DNAH11: variants seen among roughly 807,000 people sequenced by gnomAD.
The protein encoded by DNAH11 is dynein axonemal heavy chain 11, also known as axonemal beta dynein heavy chain 11.
In DNAH11, 442 loss-of-function variants were observed where a neutral mutation model predicts 526.0. The observed-to-expected ratio is 0.84, with a 90% confidence interval of 0.78 to 0.91. DNAH11 has a LOEUF of 0.91. Ranked by LOEUF, DNAH11 falls within the 40% of genes least tolerant of loss-of-function variation. The pLI is 0.00. For missense variants in DNAH11, 6,989 were observed against 5,448.7 expected, an observed-to-expected ratio of 1.28 and a Z score of -8.90; for synonymous variants, 2,461 against 1,935.9, an observed-to-expected ratio of 1.27 and a Z score of -7.12.
In DNAH11 at chr7:21,735,718, A is replaced by G; in HGVS notation, c.7519A>G (p.Met2507Val). ...GTTGCTTGAGAAAGGAAAACCTCTA[A>G]TGCTAGTAGGAAATGCAGGAGTGGG... ...ELLLEKGKPL[M>V]LVGNAGVGKT... Residue 2507 changes from methionine (M) to valine (V), a missense_variant, in exon 46 of 82, where the codon ATG (methionine) becomes GTG (valine). Coordinates refer to ENST00000409508, the MANE Select transcript of DNAH11 (RefSeq NM_001277115.2). The G allele has an allele frequency of 1.9e-6, 3 of 1,613,940 alleles. No homozygotes were observed. The highest frequency in any genetic ancestry group is 2.5e-6 in the Non-Finnish European group (3 of 1,179,868).
chr7:21,826,818 A>T (rs1171134660), intron 65 of DNAH11, among the ~76,000 whole-genome samples: 1 of 152,122 alleles, frequency 6.6e-6, no homozygotes, highest in Non-Finnish European at 1.5e-5. Context: ...TCCCTCAGAA[A>T]GTTTTTGGCT....
In DNAH11 at chr7:21,801,238, C is replaced by G. The variant is rs368988134; in HGVS notation, c.10128C>G (p.Ile3376Met). The G allele has an allele frequency of 3.7e-6, 6 of 1,613,892 alleles. No individual in the cohort carries two copies. The East Asian group carries it at 1.3e-4, about 36-fold the overall frequency. ...QEEVNQTNKT[I>M]KLANRLVKEL... Reference sequence around the variant, plus strand: ...AGGTGAACCAAACCAACAAAACCATCAAATTAGCTAACAGACTTGTCAAGG... The same window carrying G: ...AGGTGAACCAAACCAACAAAACCATGAAATTAGCTAACAGACTTGTCAAGG... Residue 3376 changes from isoleucine to methionine, a missense_variant, in exon 62 of 82, where the codon ATC becomes ATG. Coordinates refer to ENST00000409508, the MANE Select transcript of DNAH11 (RefSeq NM_001277115.2).
At chr7:21,644,811 A>G (rs745818870) in intron 28 of DNAH11, among the ~76,000 whole-genome samples, 2 of 152,220 alleles carry the variant, frequency 1.3e-5, no homozygotes, top group Non-Finnish European at 2.9e-5. Context: ...ATATAAAGGC[A>G]GCCTGATTCA....
intron 45 of DNAH11, among the ~76,000 whole-genome samples, chr7:21,733,103 A>G (rs561777291): frequency 4.6e-5 from 7 of 152,186 alleles, no homozygotes; most frequent in Non-Finnish European, 8.8e-5. Flanking sequence ...AGAAGCAGGG[A>G]AGGCCAGGTG....
At position 21,773,802 on chromosome 7, in the gene DNAH11, C is replaced by A. The variant is rs1159816817; in HGVS notation, c.9139C>A (p.His3047Asn). The A allele has an allele frequency of 2.5e-6, 4 of 1,605,936 alleles. No individual in the cohort carries two copies. The highest frequency in any genetic ancestry group is 3.4e-5 in the Admixed American group (2 of 58,908). Reference sequence around the variant, plus strand: ...AGACTCTATTAGCCTTTTCATGGCACATGTTCACACCACTGTAAATGAAAT... The same window carrying A: ...AGACTCTATTAGCCTTTTCATGGCAAATGTTCACACCACTGTAAATGAAAT... ...HKDSISLFMA[H>N]VHTTVNEMST... Residue 3047 changes from histidine (H) to asparagine (N), a missense_variant, in exon 56 of 82, where the codon CAT (histidine) becomes AAT (asparagine). Coordinates refer to ENST00000409508, the MANE Select transcript of DNAH11 (RefSeq NM_001277115.2).
chr7:21,568,082 A>G (rs890285447), intron 6 of DNAH11, among the ~76,000 whole-genome samples: 42 of 152,252 alleles, frequency 2.8e-4, no homozygotes, highest in African/African-American at 1.0e-3. Flanking sequence ...ATAACAGTCC[A>G]TAAAAACACA....
chr7:21,619,156 ACACAG>A lies in DNAH11; in HGVS notation c.4312_4316del (p.His1438SerfsTer4), dbSNP rs1785921349. On this transcript the variant is annotated frameshift_variant, in exon 24 of 82. Coordinates refer to ENST00000409508, the MANE Select transcript of DNAH11 (RefSeq NM_001277115.2). LOFTEE classifies it high-confidence loss of function. ...TGGCAGATTTGTTAGCACTGCGGTT[ACACAG>A]AGTGGAAGATGATGTCCGAAGGATT... The A allele has an allele frequency of 6.2e-7, 1 of 1,613,526 alleles. No individual in the cohort carries two copies. Among genetic ancestry groups the A allele is most frequent in the Non-Finnish European group, 8.5e-7 (1 of 1,179,708 alleles).
rs551994503 is a variant in DNAH11, at chr7:21,891,898, T to C, written c.12508-527T>C. Among the ~76,000 whole-genome samples the C allele has an allele frequency of 1.3e-5, 2 of 152,286 alleles. 1 individual carries two copies. The highest frequency in any genetic ancestry group is 4.1e-4 in the South Asian group (2 of 4,824). ...ATGCACATATCATTATTTATAATTATAAAATTCAGGTATATAAATTCACAT... is the reference window on the plus strand; with the variant it reads ...ATGCACATATCATTATTTATAATTACAAAATTCAGGTATATAAATTCACAT... On this transcript the variant is annotated intron_variant, in intron 76 of 81. Transcript: ENST00000409508.
At chr7:21,878,349 T>C (rs930818321) in intron 74 of DNAH11, among the ~76,000 whole-genome samples, 8 of 152,362 alleles carry the variant, frequency 5.3e-5, no homozygotes, top group African/African-American at 1.7e-4. Flanking sequence ...TTAGTTATTA[T>C]AGTACCTTGG....
At chr7:21,818,518 T>G (rs1789915008) in intron 65 of DNAH11, among the ~76,000 whole-genome samples, 179 bp downstream of exon 65, 1 of 152,154 alleles carries the variant, frequency 6.6e-6, no homozygotes, top group Admixed American at 6.6e-5. Context: ...TTCAGACTAT[T>G]TATTTGATGG....
intron 40 of DNAH11, among the ~76,000 whole-genome samples, chr7:21,708,915 A>G (rs1262668703): frequency 6.6e-6 from 1 of 152,206 alleles, no homozygotes; most frequent in Non-Finnish European, 1.5e-5. Context: ...AGTCAGAAAG[A>G]CTATTATGAA....
chr7:21,826,699 C>T (rs747136835), intron 65 of DNAH11, among the ~76,000 whole-genome samples: 1 of 152,008 alleles, frequency 6.6e-6, no homozygotes, highest in Non-Finnish European at 1.5e-5. Flanking sequence ...AAGAGAAAGC[C>T]AGGAAAACAA....
At position 21,683,831 on chromosome 7, in the gene DNAH11, A is replaced by T; in HGVS notation, c.5508A>T (p.Arg1836=). The change falls in exon 32 of 82, where the codon CGA becomes CGT. Residue 1836 remains arginine, a synonymous_variant. Transcript: ENST00000409508. ...CATGGCTGTCTCAACTTCGTCACCG[A>T]TGGGAGGATACCCAGAAACACTGCT... ...AFTWLSQLRH[R]WEDTQKHCFV... is the part of the protein sequence containing the mutation. 1 of 1,613,160 alleles carries T rather than the reference A, an allele frequency of 6.2e-7. No homozygotes were observed. Among genetic ancestry groups the T allele is most frequent in the Non-Finnish European group, 8.5e-7 (1 of 1,179,482 alleles).
At chr7:21,549,544 G>T (rs1326647195) in intron 2 of DNAH11, among the ~76,000 whole-genome samples, 4 of 152,112 alleles carry the variant, frequency 2.6e-5, no homozygotes, top group East Asian at 1.9e-4. Flanking sequence ...CCCTAGGGGG[G>T]TTTTTCCCTG....
Position 21,717,765 on chromosome 7 carries a change from T to C in DNAH11, c.6984-10T>C. 1.2e-6 allele frequency: 2 copies of C among 1,613,610 alleles called. No individual in the cohort carries two copies. The highest frequency in any genetic ancestry group is 1.7e-6 in the Non-Finnish European group (2 of 1,179,734). On this transcript the variant is annotated splice_polypyrimidine_tract_variant and intron_variant, in intron 42 of 81. Coordinates refer to ENST00000409508, the MANE Select transcript of DNAH11 (RefSeq NM_001277115.2). Reference sequence around the variant, plus strand: ...GTGTTCAATAAAAGCTTTTCTGTGTTCCTTTTCAGGTATGTGGCCAGTTGG... The same window carrying C: ...GTGTTCAATAAAAGCTTTTCTGTGTCCCTTTTCAGGTATGTGGCCAGTTGG...
rs1290519483 is a variant in DNAH11 at position 21,735,791 on chromosome 7, A to G, written c.7592A>G (p.Tyr2531Cys). The change falls in exon 46 of 82, where the codon TAC becomes TGC. Residue 2531 changes from tyrosine to cysteine, a missense_variant. Tyr to Cys is a radical substitution (Grantham distance 194). Coordinates refer to ENST00000409508, the MANE Select transcript of DNAH11 (RefSeq NM_001277115.2). The part of the protein sequence containing the change: ...GDTLASLSED[Y>C]IVSRVPFNYY... ...ACATTGGCAAGTCTCTCTGAGGATT[A>G]CATAGTATCCCGTGTGCCTTTCAAC... 6 of 1,614,020 alleles carry G rather than the reference A, an allele frequency of 3.7e-6. No homozygotes were observed. The highest frequency in any genetic ancestry group is 1.3e-5 in the African/African-American group (1 of 75,070).
intron 25 of DNAH11, among the ~76,000 whole-genome samples, chr7:21,620,555 A>C (rs56144311): frequency 0.15 from 22,387 of 151,862 alleles, 2,356 homozygotes; most frequent in African/African-American, 0.3. Flanking sequence ...CCAGGATTTT[A>C]TTCTTTTTTT....
At chr7:21,662,678 A>G (rs779083019) in intron 30 of DNAH11, among the ~76,000 whole-genome samples, 6 of 152,062 alleles carry the variant, frequency 3.9e-5, no homozygotes, top group Non-Finnish European at 5.9e-5. Context: ...AACTGAGGTC[A>G]CCATGATGTA....
intron 28 of DNAH11, among the ~76,000 whole-genome samples, chr7:21,647,136 C>T (rs1043742494): frequency 1.1e-4 from 17 of 151,894 alleles, no homozygotes; most frequent in Non-Finnish European, 2.9e-5. Context: ...TCCCAAAGTG[C>T]GGAACAAGAA....
Sources: gnomAD v4.1 joint callset for allele counts (sites outside exome capture counted in the v4.1 genomes callset) on GRCh38, gnomAD v4.1.1 for gene constraint, MANE v1.5 for transcripts, NCBI Gene and HGNC (gene_info 2026-07-23, HGNC 2026-07-21) for gene names.